PTPRA: variants seen among roughly 807,000 people sequenced by gnomAD.
The protein encoded by PTPRA is receptor-type tyrosine-protein phosphatase alpha.
A neutral mutation model predicts 104.8 loss-of-function variants in PTPRA; 25 were observed. That is an observed-to-expected ratio of 0.24 (90% confidence interval 0.17 to 0.33). The LOEUF is 0.33. PTPRA is among the 10% of genes least tolerant of loss of function. The probability of loss-of-function intolerance (pLI) is 1.00; values close to 1 mark genes in which losing one functional copy is unlikely to be tolerated. For synonymous variants in PTPRA, 323 were observed against 368.9 expected, an observed-to-expected ratio of 0.88 and a Z score of 1.43; for missense variants, 765 against 1,015.3, an observed-to-expected ratio of 0.75 and a Z score of 3.35.
At chr20:2,904,687 A>G (rs866840973) in intron 1 of PTPRA, among the ~76,000 whole-genome samples, 2 of 149,048 alleles carry the variant, frequency 1.3e-5, no homozygotes, top group Non-Finnish European at 3.0e-5. Flanking sequence ...AAAAAAAAAG[A>G]ATAGGCAAAT....
chr20:2,879,745 C>T (rs2089945842), intron 1 of PTPRA, among the ~76,000 whole-genome samples: 1 of 152,104 alleles, frequency 6.6e-6, no homozygotes, highest in South Asian at 2.1e-4. Flanking sequence ...TTTAAATACA[C>T]AAATACTCAC....
intron 2 of PTPRA, among the ~76,000 whole-genome samples, chr20:2,930,758 A>T (rs891415262): frequency 1.3e-5 from 2 of 152,146 alleles, no homozygotes; most frequent in African/African-American, 4.8e-5. Flanking sequence ...GAATGACCTC[A>T]TCTTTATTTA....
intron 2 of PTPRA, among the ~76,000 whole-genome samples, chr20:2,943,205 A>ACCC (rs2060986593): frequency 2.4e-5 from 2 of 83,552 alleles, no homozygotes; most frequent in African/African-American, 1.3e-4. Context: ...CTTGGAACAT[A>ACCC]TCCCCCCACC....
the PTPRA span, chr20:2,864,666 A>G: frequency 6.8e-6 from 11 of 1,613,250 alleles, no homozygotes; most frequent in Non-Finnish European, 9.3e-6. This position sits in a 1 kb window ranked among gnomAD's most constrained non-coding sequence, Gnocchi z 5.2. Context: ...TCTGAGATCC[A>G]TGGGGCGTGT....
intron 2 of PTPRA, among the ~76,000 whole-genome samples, chr20:2,943,458 T>C (rs2061004675): frequency 6.6e-6 from 1 of 152,114 alleles, no homozygotes; most frequent in African/African-American, 2.4e-5. Context: ...CCTTCAGTTG[T>C]ATGGATGAAG....
intron 1 of PTPRA, among the ~76,000 whole-genome samples, chr20:2,897,906 C>CTTTTT (rs34328077): frequency 6.5e-4 from 54 of 83,714 alleles, no homozygotes; most frequent in African/African-American, 1.7e-3. Context: ...CCTCATCATT[C>CTTTTT]TTTTTTTTTT....
chr20:2,965,265 G>T, intron 5 of PTPRA, 63 bp downstream of exon 5: 1 of 1,439,442 alleles, frequency 6.9e-7, no homozygotes, highest in South Asian at 1.4e-5. Context: ...TTATTATCTT[G>T]TTTGTGTTTT....
In PTPRA at chr20:2,885,534, GGACAACCAAATCTTATA is replaced by G. The variant is rs528224227; in HGVS notation, c.-129+11775_-129+11791del. Among the ~76,000 whole-genome samples, 455 of 152,102 alleles carry G rather than the reference GGACAACCAAATCTTATA, an allele frequency of 3.0e-3. 2 individuals are homozygous for G. The highest frequency in any genetic ancestry group is 0.01 in the African/African-American group (431 of 41,482). On this transcript the variant is annotated intron_variant, in intron 1 of 23. Transcript: ENST00000399903. ...ATCAATCATAACATCTCTAAAATTGGGACAACCAAATCTTATATTCTTTCTATGTGATACTAGGAAGA... is the reference window on the plus strand; with the variant it reads ...ATCAATCATAACATCTCTAAAATTGGTTCTTTCTATGTGATACTAGGAAGA...
chr20:2,951,088 G>GTTTC (rs1420462235), intron 3 of PTPRA, among the ~76,000 whole-genome samples: 1 of 151,522 alleles, frequency 6.6e-6, no homozygotes, highest in African/African-American at 2.4e-5. Context: ...TTGTTTGTTT[G>GTTTC]TTTGTTTCTT....
the PTPRA span, chr20:2,866,385 C>G: frequency 1.9e-6 from 3 of 1,613,988 alleles, no homozygotes; most frequent in Non-Finnish European, 2.5e-6. Flanking sequence ...GGGTTTGTGC[C>G]CTTGAGCAGC....
intron 11 of PTPRA, among the ~76,000 whole-genome samples, chr20:3,008,889 G>A (rs2064012693): frequency 6.6e-6 from 1 of 152,050 alleles, no homozygotes; most frequent in South Asian, 2.1e-4. Flanking sequence ...TCCAGCCTGG[G>A]CGACAGGGTG....
intron 13 of PTPRA, 43 bp from the exon 14 acceptor site, chr20:3,021,266 C>T (rs751374357): frequency 5.0e-6 from 8 of 1,611,212 alleles, no homozygotes; most frequent in Non-Finnish European, 5.9e-6. Flanking sequence ...CTGCCATGGG[C>T]AGGAGGTCTA....
intron 1 of PTPRA, among the ~76,000 whole-genome samples, chr20:2,878,662 A>G (rs1363359258): frequency 6.6e-6 from 1 of 152,252 alleles, no homozygotes; most frequent in East Asian, 1.9e-4. Flanking sequence ...AAGTCAGAGG[A>G]TACAGTTTCG....
intron 20 of PTPRA, among the ~76,000 whole-genome samples, chr20:3,034,170 C>T (rs2065678068): frequency 6.6e-6 from 1 of 151,922 alleles, no homozygotes; most frequent in African/African-American, 2.4e-5. Flanking sequence ...ACTTGGGAGT[C>T]TGGGGTGGGA....
At chr20:2,961,495 T>C (rs1413352693) in intron 3 of PTPRA, among the ~76,000 whole-genome samples, 2 of 152,190 alleles carry the variant, frequency 1.3e-5, no homozygotes, top group Non-Finnish European at 2.9e-5. Flanking sequence ...ATTTTTCTTG[T>C]TGAGTTTAAG....
At chr20:3,018,480 C>A (rs2064590969) in intron 13 of PTPRA, among the ~76,000 whole-genome samples, 1 of 151,488 alleles carries the variant, frequency 6.6e-6, no homozygotes, top group Non-Finnish European at 1.5e-5. Flanking sequence ...TCTTGCACCG[C>A]CCTTAATCCA....
chr20:2,935,620 T>C (rs1163412330), intron 2 of PTPRA, among the ~76,000 whole-genome samples: 2 of 152,206 alleles, frequency 1.3e-5, no homozygotes, highest in Admixed American at 6.5e-5. Flanking sequence ...TCTCCAAGGC[T>C]GTAGCACAGT....
intron 6 of PTPRA, among the ~76,000 whole-genome samples, chr20:2,984,101 G>A (rs1184495090): frequency 6.6e-6 from 1 of 151,854 alleles, no homozygotes; most frequent in African/African-American, 2.4e-5. Flanking sequence ...GGAGTGATCA[G>A]CCAGTCTGAA....
At chr20:2,989,433 A>G (rs1009868754) in intron 9 of PTPRA, among the ~76,000 whole-genome samples, 4 of 152,180 alleles carry the variant, frequency 2.6e-5, no homozygotes, top group African/African-American at 9.6e-5. Flanking sequence ...CTCCATCTCA[A>G]AAAAACAAGA....
Sources: allele counts gnomAD v4.1 joint callset (sites outside exome capture counted in the v4.1 genomes callset), GRCh38; gene constraint gnomAD v4.1.1; non-coding constraint Gnocchi (gnomAD v3.1); transcripts MANE v1.5; gene names NCBI Gene and HGNC (gene_info 2026-07-23, HGNC 2026-07-21).